The following SPX variants were observed in gnomAD, a reference collection of about 807,000 sequenced individuals.
The protein encoded by SPX is spexin hormone, also known as spexin.
In SPX, 22 loss-of-function variants were observed where a neutral mutation model predicts 19.2. That is an observed-to-expected ratio of 1.15 (90% confidence interval 0.82 to 1.64). SPX has a LOEUF of 1.64. Among genes scored for constraint, SPX ranks in the 40% most tolerant of loss-of-function variants. SPX has a pLI of 0.00. For missense variants in SPX, 143 were observed against 137.7 expected (o/e 1.04, Z -0.19); for synonymous variants, 50 against 53.3 (o/e 0.94, Z 0.27).
intron 1 of SPX, 38 bp downstream of exon 1, chr12:21,526,516 ATTT>A (rs748234893): frequency 1.1e-5 from 17 of 1,576,300 alleles, no homozygotes; most frequent in Admixed American, 6.8e-5. Flanking sequence ...CTTCTTAGCT[ATTT>A]TTTAAAACGT....
At chr12:21,529,185 C>A in intron 5 of SPX, 101 bp downstream of exon 5, 1 of 1,154,434 alleles carries the variant, frequency 8.7e-7, no homozygotes, top group Non-Finnish European at 1.3e-6. Context: ...AATTTCTTGG[C>A]CTTAGGCCCA....
intron 4 of SPX, 32 bp downstream of exon 4, chr12:21,527,821 C>T: frequency 6.4e-7 from 1 of 1,558,844 alleles, no homozygotes. Context: ...GGCGCTAGTC[C>T]TGCGCTTTTG....
intron 3 of SPX, 149 bp downstream of exon 3, chr12:21,527,341 G>C: frequency 1.4e-6 from 1 of 717,054 alleles, no homozygotes; most frequent in Non-Finnish European, 2.4e-6. Flanking sequence ...GGTGAGGGAG[G>C]GGTGGGAGAG....
chr12:21,527,023 C>CTCTT, intron 2 of SPX, 57 bp downstream of exon 2: 1 of 1,582,810 alleles, frequency 6.3e-7, no homozygotes, highest in Middle Eastern at 1.7e-4. Flanking sequence ...GTCCACTCTG[C>CTCTT]TCTTTCTTTC....
At chr12:21,527,931 C>T in intron 4 of SPX, 142 bp downstream of exon 4, 1 of 872,910 alleles carries the variant, frequency 1.1e-6, no homozygotes, top group South Asian at 2.0e-5. Context: ...AGATACAGTC[C>T]GCCCGAGGGC....
rs773778291 is a variant in SPX at position 21,526,888 on chromosome 12, A to T, written c.9A>T (p.Gly3=). 7 of 1,614,090 alleles carry T rather than the reference A, an allele frequency of 4.3e-6. No homozygotes were observed. The highest frequency in any genetic ancestry group is 3.3e-5 in the Admixed American group (2 of 60,030). The change falls in exon 2 of 6, where the codon GGA becomes GGT. Residue 3 remains glycine, a splice_region_variant and synonymous_variant. Coordinates refer to ENST00000256969, the MANE Select transcript of SPX (RefSeq NM_030572.4). Reference sequence around the variant, plus strand: ...TTCTGGTTGATCGCTTCATATAGGGACTCAGAAGTCTGGCAGCAACAACCT... The same window carrying T: ...TTCTGGTTGATCGCTTCATATAGGGTCTCAGAAGTCTGGCAGCAACAACCT... MK[G]LRSLAATTLA...
At position 21,527,890 on chromosome 12, in the gene SPX, CACCGGAAAGACGCG is replaced by C. The variant is rs1943830182; in HGVS notation, c.208+102_208+115del. The C allele has an allele frequency of 2.2e-6, 3 of 1,373,450 alleles. No individual in the cohort carries two copies. In the East Asian group the frequency reaches 7.8e-5, roughly 35 times the overall value. The allele number at this position is 1,373,450 out of a possible 1,614,324, so 85.1% of individuals were successfully genotyped here. The stretch of plus-strand genomic sequence containing the variant: ...CTGGTGCCGAAAGAAAGCGTCTCCT[CACCGGAAAGACGCG>C]GCTCTGAGGCGCCCTCAGATACAGT... On this transcript the variant is annotated intron_variant, in intron 4 of 5. Transcript: ENST00000256969.
At chr12:21,528,565 T>A (rs1183474180) in intron 4 of SPX, among the ~76,000 whole-genome samples, 1 of 152,198 alleles carries the variant, frequency 6.6e-6, no homozygotes, top group Non-Finnish European at 1.5e-5. Flanking sequence ...AGCTTATTTA[T>A]TTTATGAGGT....
intron 3 of SPX, chr12:21,527,515 C>A: frequency 8.1e-6 from 5 of 620,812 alleles, no homozygotes; most frequent in East Asian, 2.8e-5. Context: ...TCCGGTCAGG[C>A]GCGGGGCTTT....
rs905135298 is a variant in SPX, at chr12:21,526,560, T to A, written c.6+82T>A. 47 of 1,347,732 alleles carry A rather than the reference T, an allele frequency of 3.5e-5. No homozygotes were observed. In the African/African-American group the frequency reaches 6.1e-4, roughly 17 times the overall value. The allele number at this position is 1,347,732 out of a possible 1,614,324, so 83.5% of individuals were successfully genotyped here. A position where few individuals can be genotyped will look rare whatever the true frequency, so the allele number is the denominator to read the frequency against. On this transcript the variant is annotated intron_variant, in intron 1 of 5. Coordinates refer to ENST00000256969, the MANE Select transcript of SPX (RefSeq NM_030572.4). ...AGCATTTTACCTATTTCATGTTTAA[T>A]AAGGATTTTAGAGTTTAAAGGATAT...
intron 5 of SPX, 51 bp from the exon 6 acceptor site, chr12:21,531,086 T>G (rs766893438): frequency 3.1e-5 from 34 of 1,089,762 alleles, no homozygotes; most frequent in Admixed American, 2.7e-4. Flanking sequence ...CCTTTTCCTC[T>G]ATTAAAACGC....
Position 21,528,915 on chromosome 12 carries a change from T to C in SPX, c.209-86T>C, listed in dbSNP as rs76815072. On this transcript the variant is annotated intron_variant, in intron 4 of 5. Coordinates refer to ENST00000256969, the MANE Select transcript of SPX (RefSeq NM_030572.4). ...TCAAAATCTATTTCATAGAGGTTTT[T>C]CTAGTATTGCTGCATGTTAGAATAG... 9.8e-4 allele frequency: 1,189 copies of C among 1,212,822 alleles called. 20 individuals are homozygous for C. The East Asian group carries it at 0.026, about 26-fold the overall frequency. The allele number at this position is 1,212,822 out of a possible 1,614,324, so 75.1% of individuals were successfully genotyped here.
chr12:21,528,908 A>C, intron 4 of SPX, 93 bp from the exon 5 acceptor site: 1 of 1,123,952 alleles, frequency 8.9e-7, no homozygotes. Context: ...TATTTCATAG[A>C]GGTTTTTCTA....
chr12:21,526,325 A>G lies in SPX; in HGVS notation c.-148A>G. Reference sequence around the variant, plus strand: ...GATTCTCAATCTTGCTTGAAGACTGACAAGATGTCCCTGTGGACTCCCAAA... The same window carrying G: ...GATTCTCAATCTTGCTTGAAGACTGGCAAGATGTCCCTGTGGACTCCCAAA... On this transcript the variant is annotated 5_prime_UTR_variant, in exon 1 of 6. Transcript: ENST00000256969. 1.7e-6 allele frequency: 1 copy of G among 596,560 alleles called. No homozygotes were observed. Among genetic ancestry groups the G allele is most frequent in the Non-Finnish European group, 2.9e-6 (1 of 348,174 alleles). 37.0% of individuals were successfully genotyped at this position (596,560 alleles called of 1,614,324 possible). A position where few individuals can be genotyped will look rare whatever the true frequency, so the allele number is the denominator to read the frequency against.
Position 21,527,754 on chromosome 12 carries a change from G to GC in SPX, c.175dup (p.Arg59ProfsTer41). On this transcript the variant is annotated frameshift_variant, in exon 4 of 6. Coordinates refer to ENST00000256969, the MANE Select transcript of SPX (RefSeq NM_030572.4). LOFTEE classifies it high-confidence loss of function. The stretch of plus-strand genomic sequence containing the variant: ...GGTCGCCGCTTCATCTCCGACCAGA[G>GC]CCGGAGAAAGGACCTCTCCGACCGG... The GC allele has an allele frequency of 4.5e-6, 7 of 1,571,816 alleles. No individual in the cohort carries two copies. The highest frequency in any genetic ancestry group is 6.0e-6 in the Non-Finnish European group (7 of 1,158,162).
rs767534987 is a variant in SPX at position 21,529,033 on chromosome 12, A to G, written c.241A>G (p.Ile81Val). The G allele has an allele frequency of 8.7e-6, 14 of 1,614,074 alleles. No homozygotes were observed. The African/African-American group carries it at 1.3e-4, about 15-fold the overall frequency. The change falls in exon 5 of 6, where the codon ATT (isoleucine) becomes GTT (valine). Residue 81 changes from isoleucine (I) to valine (V), a missense_variant. Coordinates refer to ENST00000256969, the MANE Select transcript of SPX (RefSeq NM_030572.4). ...RRSPNPQLLT[I>V]PEAATILLAS... ...AAGCCCAAATCCCCAACTACTAACT[A>G]TTCCGGAGGCAGCAACCATCTTACT...
chr12:21,531,341 A>G lies in SPX; in HGVS notation c.*146A>G, dbSNP rs2136824096. The G allele has an allele frequency of 1.7e-6, 1 of 582,212 alleles. No homozygotes were observed. Among genetic ancestry groups the G allele is most frequent in the East Asian group, 3.2e-5 (1 of 31,720 alleles). 36.1% of individuals were successfully genotyped at this position (582,212 alleles called of 1,614,324 possible). ...ATTCTTTCAGAAACAAAATATATAT[A>G]GGATGCTTAGCTGAGAACATCATCT... is the stretch of plus-strand genomic sequence containing the variant. On this transcript the variant is annotated 3_prime_UTR_variant, in exon 6 of 6. Transcript: ENST00000256969.
intron 2 of SPX, 60 bp downstream of exon 2, chr12:21,527,026 T>C (rs1415957817): frequency 5.0e-6 from 8 of 1,586,860 alleles, no homozygotes; most frequent in Non-Finnish European, 6.9e-6. Flanking sequence ...CACTCTGCTC[T>C]TTCTTTCTTC....
chr12:21,530,841 G>A lies in SPX; in HGVS notation c.293-296G>A, dbSNP rs140459307. Among the ~76,000 whole-genome samples the A allele has an allele frequency of 3.1e-3, 467 of 152,246 alleles. 2 individuals carry two copies. Among genetic ancestry groups the A allele is most frequent in the African/African-American group, 0.01 (434 of 41,538 alleles). On this transcript the variant is annotated intron_variant, in intron 5 of 5. Coordinates refer to ENST00000256969, the MANE Select transcript of SPX (RefSeq NM_030572.4). ...GTATTTTAGATATAAGTCAATCTGT[G>A]AGAGCAAGACACATGACTTTTGAGA...
Sources: gnomAD v4.1 joint callset for allele counts (sites outside exome capture counted in the v4.1 genomes callset) on GRCh38, gnomAD v4.1.1 for gene constraint, MANE v1.5 for transcripts, NCBI Gene and HGNC (gene_info 2026-07-23, HGNC 2026-07-21) for gene names.